PARD3: variants seen among roughly 807,000 people sequenced by gnomAD.
PARD3 encodes partitioning defective 3 homolog.
A neutral mutation model predicts 155.4 loss-of-function variants in PARD3; 75 were observed. That is an observed-to-expected ratio of 0.48 (90% CI 0.40 to 0.58). The LOEUF is 0.58. PARD3 is among the 20% of genes least tolerant of loss of function. The probability of loss-of-function intolerance (pLI) is 0.00; values close to 1 mark genes in which losing one functional copy is unlikely to be tolerated. For synonymous variants in PARD3, 576 were observed against 610.5 expected (o/e 0.94, Z 0.83); for missense variants, 1,642 against 1,721.7 (o/e 0.95, Z 0.82).
At chr10:34,597,525 C>T (rs1251184942) in intron 2 of PARD3, among the ~76,000 whole-genome samples, 2 of 152,078 alleles carry the variant, frequency 1.3e-5, no homozygotes, top group Non-Finnish European at 2.9e-5. Flanking sequence ...AACTCCTGGG[C>T]TCAAGTGATC....
intron 2 of PARD3, among the ~76,000 whole-genome samples, chr10:34,684,792 C>CAT (rs2093915790): frequency 2.0e-5 from 2 of 100,704 alleles, no homozygotes; most frequent in Non-Finnish European, 3.8e-5. Context: ...CACACACACA[C>CAT]ACACACACAC....
chr10:34,666,816 T>TATATATATACAC (rs765552982), intron 2 of PARD3, among the ~76,000 whole-genome samples: 22 of 88,788 alleles, frequency 2.5e-4, no homozygotes, highest in African/African-American at 4.7e-4. Context: ...TATATATATA[T>TATATATATACAC]ACACACACAC....
At chr10:34,236,394 T>A (rs1327775174) in intron 22 of PARD3, among the ~76,000 whole-genome samples, 1 of 152,212 alleles carries the variant, frequency 6.6e-6, no homozygotes, top group Admixed American at 6.5e-5. Flanking sequence ...CCACCTTTAC[T>A]AAAGTTTTCC....
At chr10:34,146,442 T>C (rs534610422) in intron 22 of PARD3, among the ~76,000 whole-genome samples, 1 of 152,268 alleles carries the variant, frequency 6.6e-6, no homozygotes, top group South Asian at 2.1e-4. Context: ...ATTTAGGGAG[T>C]ACATTTTTAA....
chr10:34,605,841 ATATATATATATCTCC>A (rs1396154693), intron 2 of PARD3, among the ~76,000 whole-genome samples: 5 of 9,330 alleles, frequency 5.4e-4, no homozygotes, highest in African/African-American at 7.4e-4. Flanking sequence ...TATATCTCCT[ATATATATATATCTCC>A]TATATATATA....
chr10:34,290,823 T>C (rs530733652), intron 20 of PARD3, among the ~76,000 whole-genome samples: 12 of 152,352 alleles, frequency 7.9e-5, no homozygotes, highest in Admixed American at 5.9e-4. Context: ...CCTTGAGAGA[T>C]ACCAGCTGCC....
intron 12 of PARD3, among the ~76,000 whole-genome samples, chr10:34,363,684 T>C (rs1475445340): frequency 1.3e-5 from 2 of 152,182 alleles, no homozygotes; most frequent in African/African-American, 2.4e-5. Flanking sequence ...TTATCAACTG[T>C]TTCTCGAATT....
At chr10:34,748,157 C>T (rs888038238) in intron 1 of PARD3, among the ~76,000 whole-genome samples, 4 of 152,190 alleles carry the variant, frequency 2.6e-5, no homozygotes, top group Non-Finnish European at 4.4e-5. Context: ...GGAACCCCTC[C>T]ATGCTGCATC....
At position 34,161,245 on chromosome 10, in the gene PARD3, G is replaced by GAAAA. The variant is rs373658384; in HGVS notation, c.3420-29666_3420-29663dup. 4.7e-3 allele frequency among the ~76,000 whole-genome samples: 559 copies of GAAAA among 118,422 alleles called. 22 individuals carry two copies. The highest frequency in any genetic ancestry group is 9.2e-3 in the African/African-American group (273 of 29,614). The allele number at this position is 118,422 out of a possible 152,430, so 77.7% of individuals were successfully genotyped here. ...GGGCAACAGAGTGAGACCCTGTCTT[G>GAAAA]AAAAAAAAAAAAAAAGAAGAGAATC... is the stretch of plus-strand genomic sequence containing the variant. On this transcript the variant is annotated intron_variant, in intron 22 of 24. Transcript: ENST00000374788.
rs575935180 is a variant in PARD3 at position 34,341,771 on chromosome 10, G to C, written c.2264C>G (p.Thr755Ser). ...SPTVNMPQDD[T>S]VIIEDDRLPV... is the part of the protein sequence containing the mutation. ...CAACCTGTCATCTTCTATAATGACAGTGTCATCTTGGGGCATATTCACTGT... is the reference window on the plus strand; with the variant it reads ...CAACCTGTCATCTTCTATAATGACACTGTCATCTTGGGGCATATTCACTGT... The change falls in exon 16 of 25, where the codon ACT (threonine) becomes AGT (serine). Residue 755 changes from threonine (T) to serine (S), a missense_variant. Physicochemically the swap from Thr to Ser is moderately conservative, Grantham distance 58. Around this residue, in one of 3 missense-constraint regions of PARD3, gnomAD observed 1,529 missense variants for 1,587.3 expected, o/e 0.96. Transcript: ENST00000374788. The C allele has an allele frequency of 6.8e-6, 11 of 1,613,440 alleles. No homozygotes were observed. The African/African-American group carries it at 1.5e-4, about 22-fold the overall frequency.
chr10:34,327,833 G>A (rs979921661), intron 19 of PARD3, among the ~76,000 whole-genome samples: 7 of 152,076 alleles, frequency 4.6e-5, no homozygotes, highest in Admixed American at 2.6e-4. Context: ...TTGGACCATC[G>A]GGACAAGAAA....
At chr10:34,546,174 C>A (rs1312200360) in intron 2 of PARD3, among the ~76,000 whole-genome samples, 2 of 152,094 alleles carry the variant, frequency 1.3e-5, no homozygotes, top group Non-Finnish European at 2.9e-5. Context: ...GAAAAGTTGT[C>A]TTACATTTTG....
chr10:34,189,290 A>G (rs1030032444), intron 22 of PARD3, among the ~76,000 whole-genome samples: 3 of 152,254 alleles, frequency 2.0e-5, no homozygotes, highest in Admixed American at 2.0e-4. Context: ...TAACAGTGCC[A>G]CTGCACTGCA....
intron 16 of PARD3, among the ~76,000 whole-genome samples, chr10:34,338,986 C>T (rs1836501158): frequency 6.6e-6 from 1 of 152,036 alleles, no homozygotes; most frequent in Admixed American, 6.5e-5. Context: ...CTCAGATGCC[C>T]CTTCACATAC....
At chr10:34,256,614 A>G (rs1954667497) in intron 22 of PARD3, among the ~76,000 whole-genome samples, 1 of 152,224 alleles carries the variant, frequency 6.6e-6, no homozygotes, top group Admixed American at 6.5e-5. Flanking sequence ...CCTGGTCCCA[A>G]AGCATTTTGT....
chr10:34,594,106 T>C (rs1239120052), intron 2 of PARD3, among the ~76,000 whole-genome samples: 2 of 152,148 alleles, frequency 1.3e-5, no homozygotes, highest in African/African-American at 2.4e-5. Flanking sequence ...ATAGCTTCTT[T>C]TTGCACCTCA....
intron 2 of PARD3, among the ~76,000 whole-genome samples, chr10:34,600,032 G>T (rs1230994358): frequency 6.6e-6 from 1 of 151,844 alleles, no homozygotes; most frequent in African/African-American, 2.4e-5. Flanking sequence ...AGCGGAACAA[G>T]AAATAAAAAA....
intron 22 of PARD3, among the ~76,000 whole-genome samples, chr10:34,201,134 C>T (rs1362046696): frequency 2.0e-5 from 3 of 152,186 alleles, no homozygotes; most frequent in Non-Finnish European, 4.4e-5. Context: ...ATCTCTATCA[C>T]CATGTACTAT....
At chr10:34,343,581 T>C in intron 15 of PARD3, 1 of 985,334 alleles carries the variant, frequency 1.0e-6, no homozygotes, top group South Asian at 4.7e-5. Context: ...CTTCTTAACA[T>C]GCTTGCCAGG....
Sources: allele counts gnomAD v4.1 joint callset (sites outside exome capture counted in the v4.1 genomes callset), GRCh38; gene constraint gnomAD v4.1.1; regional missense constraint gnomAD v4.1.1; transcripts MANE v1.5; gene names NCBI Gene and HGNC (gene_info 2026-07-23, HGNC 2026-07-21).